INO80: variants seen among roughly 807,000 people sequenced by gnomAD.
INO80 encodes the protein chromatin-remodeling ATPase INO80.
In INO80, 20 loss-of-function variants were observed where a neutral mutation model predicts 203.4. That is an observed-to-expected ratio of 0.10 (90% CI 0.07 to 0.14). The LOEUF is 0.14. Among genes scored for constraint, INO80 ranks in the 10% least tolerant of loss-of-function variants. The pLI is 1.00. For missense variants in INO80, 1,419 were observed against 1,914.4 expected, an observed-to-expected ratio of 0.74 and a Z score of 4.83; for synonymous variants, 726 against 685.2, an observed-to-expected ratio of 1.06 and a Z score of -0.93.
Position 40,980,202 on chromosome 15 carries a change from G to T in INO80, c.*21C>A. 6.2e-7 allele frequency: 1 copy of T among 1,604,440 alleles called. No individual in the cohort carries two copies. The highest frequency in any genetic ancestry group is 8.5e-7 in the Non-Finnish European group (1 of 1,172,882). On this transcript the variant is annotated 3_prime_UTR_variant, in exon 36 of 36. Transcript: ENST00000648947. ...GACTCTAGCCCTGGTTTGGTTGAAG[G>T]AAGTCGGAGGGCCCAGATGGTTACC...
chr15:41,053,551 C>A (rs567246329), intron 19 of INO80, among the ~76,000 whole-genome samples: 2 of 152,156 alleles, frequency 1.3e-5, no homozygotes, highest in African/African-American at 2.4e-5. Flanking sequence ...TTTAAAAAAA[C>A]CAAATCTTTT....
intron 4 of INO80, among the ~76,000 whole-genome samples, chr15:41,095,246 CAGG>C (rs796816030): frequency 2.8e-4 from 42 of 152,278 alleles, no homozygotes; most frequent in African/African-American, 1.0e-3. Flanking sequence ...GAGGCTGAGG[CAGG>C]AGAATTGCTT....
At chr15:41,064,332 A>G (rs1277668951) in intron 14 of INO80, among the ~76,000 whole-genome samples, 2 of 152,248 alleles carry the variant, frequency 1.3e-5, no homozygotes, top group African/African-American at 4.8e-5. Flanking sequence ...AATTAATAAC[A>G]AACAAGACAT....
In INO80 at chr15:40,984,111, A is replaced by G. The variant is rs1416384667; in HGVS notation, c.4077+86T>C. On this transcript the variant is annotated intron_variant, in intron 33 of 35. Coordinates refer to ENST00000648947, the MANE Select transcript of INO80 (RefSeq NM_017553.3). ...AACAAGGCTGGAGAACTCCAGGAGA[A>G]GCAAAGACTGCCCAGCAGTGTGTCC... 6 of 1,460,380 alleles carry G rather than the reference A, an allele frequency of 4.1e-6. No homozygotes were observed. In the South Asian group the frequency reaches 6.2e-5, roughly 15 times the overall value. The allele number at this position is 1,460,380 out of a possible 1,614,324, so 90.5% of individuals were successfully genotyped here.
intron 19 of INO80, among the ~76,000 whole-genome samples, chr15:41,050,855 C>T (rs1344178635): frequency 3.9e-5 from 6 of 152,182 alleles, no homozygotes; most frequent in East Asian, 1.9e-4. Flanking sequence ...ATAATCAGGC[C>T]GGACGCAGTG....
chr15:41,003,610 G>C (rs549660440), intron 28 of INO80, among the ~76,000 whole-genome samples: 2 of 152,004 alleles, frequency 1.3e-5, no homozygotes, highest in Non-Finnish European at 2.9e-5. Flanking sequence ...GATTACAGGC[G>C]TGAGCCACTG....
chr15:41,099,602 G>A (rs780564846), intron 1 of INO80, among the ~76,000 whole-genome samples: 10 of 151,930 alleles, frequency 6.6e-5, no homozygotes, highest in South Asian at 4.1e-4. Flanking sequence ...GTAACATGGC[G>A]AGACCTTGTC....
chr15:41,071,759 C>A (rs1172948125), intron 12 of INO80, 90 bp downstream of exon 12: 1 of 1,227,378 alleles, frequency 8.1e-7, no homozygotes. Context: ...CCGCGCTCAG[C>A]CAGATCTTGT....
chr15:41,074,319 G>T, intron 10 of INO80, 51 bp downstream of exon 10: 3 of 1,363,282 alleles, frequency 2.2e-6, no homozygotes, highest in Non-Finnish European at 2.0e-6. Context: ...ATAACCTTTA[G>T]ATATAAAAAA....
At chr15:41,051,816 G>T (rs1446212758) in intron 19 of INO80, among the ~76,000 whole-genome samples, 3 of 152,046 alleles carry the variant, frequency 2.0e-5, no homozygotes, top group African/African-American at 7.2e-5. Context: ...AATTAGCTGG[G>T]CGTTAGTGGT....
intron 1 of INO80, among the ~76,000 whole-genome samples, chr15:41,114,275 A>G (rs2045996880): frequency 1.6e-5 from 2 of 126,954 alleles, no homozygotes; most frequent in Admixed American, 1.4e-4. Context: ...TCAAAAAACA[A>G]AAAAAAAAAA....
At chr15:41,061,233 G>C (rs926525401) in intron 14 of INO80, among the ~76,000 whole-genome samples, 7 of 152,104 alleles carry the variant, frequency 4.6e-5, no homozygotes, top group Non-Finnish European at 7.4e-5. Context: ...GAGCCTGGGA[G>C]AGGTTGCAGT....
At chr15:41,087,831 G>T (rs2045583749) in intron 5 of INO80, 149 bp from the exon 6 acceptor site, 2 of 674,548 alleles carry the variant, frequency 3.0e-6, no homozygotes, top group East Asian at 3.0e-5. Flanking sequence ...GTATATCTAA[G>T]GGAATCACTT....
intron 29 of INO80, among the ~76,000 whole-genome samples, chr15:40,990,173 A>C: frequency 6.6e-6 from 1 of 152,072 alleles, no homozygotes; most frequent in East Asian, 1.9e-4. Flanking sequence ...ACTGGTCTGA[A>C]ATCACAGCAA....
At chr15:41,101,762 G>A (rs1210111299) in intron 1 of INO80, among the ~76,000 whole-genome samples, 4 of 151,888 alleles carry the variant, frequency 2.6e-5, no homozygotes, top group Non-Finnish European at 5.9e-5. Flanking sequence ...GTGTTAGCCA[G>A]GATGATCTCG....
At chr15:40,986,162 T>C (rs2043729661) in intron 31 of INO80, among the ~76,000 whole-genome samples, 1 of 152,122 alleles carries the variant, frequency 6.6e-6, no homozygotes, top group African/African-American at 2.4e-5. Context: ...TACAGCTGCG[T>C]GCTTCTCCAA....
At chr15:40,999,602 T>C (rs1001125903) in intron 28 of INO80, among the ~76,000 whole-genome samples, 1 of 152,372 alleles carries the variant, frequency 6.6e-6, no homozygotes, top group South Asian at 2.1e-4. Flanking sequence ...TTAAATTTTA[T>C]CACAAAGGTT....
intron 28 of INO80, 41 bp downstream of exon 28, chr15:41,005,552 G>T (rs1162496457): frequency 1.9e-6 from 2 of 1,069,964 alleles, no homozygotes; most frequent in Admixed American, 4.0e-5. Context: ...GCACTAGAGG[G>T]AAATTAAAAA....
At chr15:40,997,827 C>A in intron 28 of INO80, 1 of 407,904 alleles carries the variant, frequency 2.5e-6, no homozygotes, top group Non-Finnish European at 4.6e-6. Flanking sequence ...TTTTGCTGCC[C>A]ACTAATAGAT....
Sources: allele counts gnomAD v4.1 joint callset (sites outside exome capture counted in the v4.1 genomes callset), GRCh38; gene constraint gnomAD v4.1.1; transcripts MANE v1.5; gene names NCBI Gene and HGNC (gene_info 2026-07-23, HGNC 2026-07-21).